Variants in DNAH17 observed in about 807,000 individuals in gnomAD.
DNAH17 encodes the protein axonemal beta dynein heavy chain 17.
In DNAH17, 376 loss-of-function variants were observed where a neutral mutation model predicts 485.6. The ratio of observed to expected loss-of-function variants is 0.77; its 90% confidence interval spans 0.71 to 0.84. DNAH17 has a LOEUF of 0.84. DNAH17 is among the 40% of genes least tolerant of loss of function. DNAH17 has a pLI of 0.00. For missense variants in DNAH17, 6,370 were observed against 5,839.3 expected (o/e 1.09, Z -2.96); for synonymous variants, 3,031 against 2,405.9 (o/e 1.26, Z -7.60).
In DNAH17 at chr17:78,460,043, C is replaced by G. The variant is rs141464671; in HGVS notation, c.9436-42G>C. The G allele has an allele frequency of 2.3e-3, 3,705 of 1,607,136 alleles. 101 individuals carry two copies. In the African/African-American group the frequency reaches 0.044, roughly 19 times the overall value. Reference sequence around the variant, plus strand: ...GGATGGGTCCGATGGGAGTTTGGACCGGGTCCTCGGTGATGCCCCGAAGAA... The same window carrying G: ...GGATGGGTCCGATGGGAGTTTGGACGGGGTCCTCGGTGATGCCCCGAAGAA... On this transcript the variant is annotated intron_variant, in intron 59 of 80. Transcript: ENST00000389840.
chr17:78,487,524 T>C (rs1359331547), intron 44 of DNAH17, among the ~76,000 whole-genome samples: 1 of 151,956 alleles, frequency 6.6e-6, no homozygotes, highest in Non-Finnish European at 1.5e-5. Context: ...ACGTGCCTCT[T>C]TAGACAGAGA....
At chr17:78,511,280 G>T (rs527268560) in intron 26 of DNAH17, among the ~76,000 whole-genome samples, 1 of 152,230 alleles carries the variant, frequency 6.6e-6, no homozygotes, top group African/African-American at 2.4e-5. Flanking sequence ...GCTAATTTTT[G>T]TATTTTTAGT....
intron 44 of DNAH17, among the ~76,000 whole-genome samples, chr17:78,488,344 C>G (rs2089703917): frequency 6.6e-6 from 1 of 152,180 alleles, no homozygotes; most frequent in Non-Finnish European, 1.5e-5. Flanking sequence ...GTCTGGGGAC[C>G]CTGTGTCTGC....
intron 54 of DNAH17, among the ~76,000 whole-genome samples, chr17:78,471,095 A>C (rs986389491): frequency 6.6e-6 from 1 of 152,178 alleles, no homozygotes; most frequent in African/African-American, 2.4e-5. Flanking sequence ...AATTTAAAAA[A>C]CAAGACCTAT....
Position 78,425,429 on chromosome 17 carries a change from G to A in DNAH17, c.13058C>T (p.Ser4353Phe), listed in dbSNP as rs1335118183. 1.2e-6 allele frequency: 2 copies of A among 1,613,894 alleles called. No homozygotes were observed. The highest frequency in any genetic ancestry group is 2.2e-5 in the East Asian group (1 of 44,890). ...TCGGTTTTTCTTGGTCACCTCGACA[G>A]ACAGACACATCTTGTCCAGGGGCCA... ...NEWPLDKMCLSVEVTKKNRED... is the reference protein window; with the variant it reads ...NEWPLDKMCLFVEVTKKNRED... Residue 4353 changes from serine to phenylalanine, a missense_variant, in exon 80 of 81, where the codon TCT (serine) becomes TTT (phenylalanine). By Grantham distance (155) the Ser-to-Phe change is radical. Coordinates refer to ENST00000389840, the MANE Select transcript of DNAH17 (RefSeq NM_173628.4).
In DNAH17 at chr17:78,566,638, G is replaced by A. The variant is rs558268040; in HGVS notation, c.1545C>T (p.Cys515=). 2.0e-5 allele frequency: 32 copies of A among 1,609,080 alleles called. No individual in the cohort carries two copies. In the Admixed American group the frequency reaches 4.2e-4, roughly 21 times the overall value. ...CCTTTGCGGAGGACTTGATACAGCT[G>A]CAGTCATCAAATCCTTGGCAAAAGA... The part of the protein sequence containing the change: ...ATIFCQGFDD[C]SCIKSSAKLL... Residue 515 remains cysteine (C), a synonymous_variant, in exon 11 of 81, where the codon TGC becomes TGT. Coordinates refer to ENST00000389840, the MANE Select transcript of DNAH17 (RefSeq NM_173628.4).
At chr17:78,426,896 G>A (rs768990159) in intron 78 of DNAH17, 30 bp downstream of exon 78, 31 of 1,576,808 alleles carry the variant, frequency 2.0e-5, no homozygotes, top group African/African-American at 1.5e-4. Context: ...ATCCAGCCAC[G>A]TCCCTGGGGC....
intron 64 of DNAH17, 65 bp downstream of exon 64, chr17:78,454,405 G>A: frequency 7.5e-7 from 1 of 1,326,904 alleles, no homozygotes. Context: ...GAACCAATAT[G>A]GAATGCCTAA....
intron 40 of DNAH17, 63 bp from the exon 41 acceptor site, chr17:78,494,236 A>C (rs201410040): frequency 1.3e-6 from 2 of 1,565,616 alleles, no homozygotes; most frequent in Non-Finnish European, 1.7e-6. Context: ...TCTCGCTGGG[A>C]GGCTGGGGGG....
intron 54 of DNAH17, among the ~76,000 whole-genome samples, chr17:78,471,931 T>C (rs2088771133): frequency 6.6e-6 from 1 of 152,132 alleles, no homozygotes; most frequent in Non-Finnish European, 1.5e-5. Context: ...GTATCTCATC[T>C]CCTCCGGGCC....
chr17:78,461,800 G>T, intron 57 of DNAH17, 92 bp from the exon 58 acceptor site: 1 of 1,285,892 alleles, frequency 7.8e-7, no homozygotes. Flanking sequence ...GAGCCACAGA[G>T]GGGCAGAACG....
Position 78,495,039 on chromosome 17 carries a change from C to G in DNAH17, c.5962G>C (p.Glu1988Gln), listed in dbSNP as rs199509410. Reference protein sequence around the residue: ...ELICEIMLMAEGFLEARLLAR... With the variant: ...ELICEIMLMAQGFLEARLLAR... ...AGAAGGCGGGCTTCCAGAAAGCCCT[C>G]GGCCATGAGCATGATCTCACATATC... Residue 1988 changes from glutamate to glutamine, a missense_variant, in exon 39 of 81, where the codon GAG (glutamate) becomes CAG (glutamine). By Grantham distance (29) the Glu-to-Gln change is conservative (BLOSUM62 2). Coordinates refer to ENST00000389840, the MANE Select transcript of DNAH17 (RefSeq NM_173628.4). 6 of 1,611,858 alleles carry G rather than the reference C, an allele frequency of 3.7e-6. No homozygotes were observed. Among genetic ancestry groups the G allele is most frequent in the African/African-American group, 2.7e-5 (2 of 75,034 alleles).
At chr17:78,486,602 C>T in intron 44 of DNAH17, 96 bp from the exon 45 acceptor site, 2 of 1,415,622 alleles carry the variant, frequency 1.4e-6, no homozygotes, top group Non-Finnish European at 1.9e-6. Flanking sequence ...CCACCCAATT[C>T]TGCTGGGGCT....
intron 26 of DNAH17, among the ~76,000 whole-genome samples, chr17:78,511,914 G>A (rs370060472): frequency 6.6e-6 from 1 of 152,192 alleles, no homozygotes; most frequent in Non-Finnish European, 1.5e-5. Flanking sequence ...CTCAACACTC[G>A]AAAGGCACCC....
At chr17:78,481,608 A>T (rs190023529) in intron 48 of DNAH17, among the ~76,000 whole-genome samples, 18 of 152,312 alleles carry the variant, frequency 1.2e-4, no homozygotes, top group Non-Finnish European at 2.2e-4. Flanking sequence ...AGGAGGATAA[A>T]ATGAGCTAAC....
Position 78,479,091 on chromosome 17 carries a change from T to A in DNAH17, c.7926A>T (p.Thr2642=), listed in dbSNP as rs554248338. ...ALALHQKITA[T]FLPTAIKFHY... ...GAAACTTAATGGCCGTGGGAAGAAA[T>A]GTTGCCGTGATTTTCTGATGCAAAG... The change falls in exon 51 of 81, where the codon ACA becomes ACT. Residue 2642 remains threonine (T), a synonymous_variant. Coordinates refer to ENST00000389840, the MANE Select transcript of DNAH17 (RefSeq NM_173628.4). 62 of 1,613,780 alleles carry A rather than the reference T, an allele frequency of 3.8e-5. No homozygotes were observed. Among genetic ancestry groups the A allele is most frequent in the Non-Finnish European group, 5.1e-5 (60 of 1,179,884 alleles).
chr17:78,479,592 T>G lies in DNAH17; in HGVS notation c.7793A>C (p.Glu2598Ala). 1 of 1,613,382 alleles carries G rather than the reference T, an allele frequency of 6.2e-7. No homozygotes were observed. Among genetic ancestry groups the G allele is most frequent in the Non-Finnish European group, 8.5e-7 (1 of 1,179,806 alleles). ...TGTGTTGTAGATGGTGGTGAGGGCC[T>G]CCTGGCCGGGGAAGCTCACAGCAAA... ...CVFAVSFPGQ[E>A]ALTTIYNTIL... Residue 2598 changes from glutamate to alanine, a missense_variant, in exon 50 of 81, where the codon GAG becomes GCG. Physicochemically the swap from Glu to Ala is moderately radical, Grantham distance 107. Coordinates refer to ENST00000389840, the MANE Select transcript of DNAH17 (RefSeq NM_173628.4).
Position 78,543,971 on chromosome 17 carries a change from T to C in DNAH17, c.2418A>G (p.Glu806=), listed in dbSNP as rs781349751. 6.8e-6 allele frequency: 11 copies of C among 1,614,040 alleles called. No homozygotes were observed. The East Asian group carries it at 2.0e-4, about 29-fold the overall frequency. ...GGGCCTCTTTCTTATTGTCCTTTCT[T>C]TCAAACAGCGGGTTGGCCGACCAGT... The part of the protein sequence containing the change: ...MKDWSANPLF[E]RKDNKKEALL... The change falls in exon 17 of 81, where the codon GAA becomes GAG. Residue 806 remains glutamate, a synonymous_variant. Coordinates refer to ENST00000389840, the MANE Select transcript of DNAH17 (RefSeq NM_173628.4).
At chr17:78,491,135 C>T (rs1455795223) in intron 43 of DNAH17, among the ~76,000 whole-genome samples, 1 of 152,260 alleles carries the variant, frequency 6.6e-6, no homozygotes, top group Non-Finnish European at 1.5e-5. Context: ...TTCCTTCCTG[C>T]ATCCAACTGA....
Sources: allele counts gnomAD v4.1 joint callset (sites outside exome capture counted in the v4.1 genomes callset), GRCh38; gene constraint gnomAD v4.1.1; transcripts MANE v1.5; gene names NCBI Gene and HGNC (gene_info 2026-07-23, HGNC 2026-07-21).